Variants in WDR41 observed in about 807,000 individuals in gnomAD.
WDR41 encodes the protein WD repeat-containing protein 41.
Under a neutral mutation model 69.3 loss-of-function variants are expected in WDR41, and 63 were observed. That is an observed-to-expected ratio of 0.91 (90% CI 0.74 to 1.12). The LOEUF is 1.12. Among genes scored for constraint, WDR41 ranks in the 50% most tolerant of loss-of-function variants. The pLI is 0.00. For synonymous variants in WDR41, 185 were observed against 192.1 expected, an observed-to-expected ratio of 0.96 and a Z score of 0.31; for missense variants, 543 against 534.5, an observed-to-expected ratio of 1.02 and a Z score of -0.16.
intron 2 of WDR41, among the ~76,000 whole-genome samples, chr5:77,487,541 A>G (rs1257153204): frequency 6.6e-6 from 1 of 152,246 alleles, no homozygotes; most frequent in African/African-American, 2.4e-5. Flanking sequence ...TTTTCAAGCA[A>G]AAGTTAAGAA....
At chr5:77,570,371 A>G (rs2112272485) in intron 1 of WDR41, among the ~76,000 whole-genome samples, 1 of 151,716 alleles carries the variant, frequency 6.6e-6, no homozygotes. Flanking sequence ...TGACTAAAAC[A>G]TGATTCAATG....
At chr5:77,542,242 G>A (rs1188967046) in intron 1 of WDR41, among the ~76,000 whole-genome samples, 1 of 152,138 alleles carries the variant, frequency 6.6e-6, no homozygotes, top group Non-Finnish European at 1.5e-5. Flanking sequence ...GACACATGGG[G>A]GAGAAGAACA....
At chr5:77,528,930 T>C (rs1356303739) in intron 1 of WDR41, among the ~76,000 whole-genome samples, 2 of 151,662 alleles carry the variant, frequency 1.3e-5, no homozygotes, top group African/African-American at 4.8e-5. Flanking sequence ...TATAGCATTA[T>C]ACTTAATGAA....
chr5:77,449,568 TA>T (rs1217711894), intron 8 of WDR41, among the ~76,000 whole-genome samples, 191 bp downstream of exon 8: 2 of 152,184 alleles, frequency 1.3e-5, no homozygotes, highest in Admixed American at 1.3e-4. Flanking sequence ...TCCTTGTCCC[TA>T]AATCTTAGAC....
chr5:77,549,453 A>G (rs937509501), intron 1 of WDR41, among the ~76,000 whole-genome samples: 218 of 152,290 alleles, frequency 1.4e-3, no homozygotes, highest in African/African-American at 4.9e-3. Context: ...ACATTTCTAT[A>G]CAACAATAGC....
chr5:77,571,672 A>G (rs1172419036), intron 1 of WDR41, among the ~76,000 whole-genome samples: 1 of 152,120 alleles, frequency 6.6e-6, no homozygotes, highest in Admixed American at 6.6e-5. Flanking sequence ...CTGGATTCTT[A>G]GCTCACAGAG....
At chr5:77,540,141 T>G (rs955530316) in intron 1 of WDR41, among the ~76,000 whole-genome samples, 1 of 152,202 alleles carries the variant, frequency 6.6e-6, no homozygotes. Flanking sequence ...TCACTCCTGA[T>G]AGAATTCCCA....
At chr5:77,435,096 A>G (rs1023507860) in intron 12 of WDR41, among the ~76,000 whole-genome samples, 4 of 152,136 alleles carry the variant, frequency 2.6e-5, no homozygotes, top group African/African-American at 7.2e-5. Context: ...CGTAAATGCT[A>G]TCTTTGCCCT....
chr5:77,485,601 T>C (rs1384666683), intron 2 of WDR41, among the ~76,000 whole-genome samples: 5 of 152,220 alleles, frequency 3.3e-5, no homozygotes, highest in African/African-American at 1.2e-4. Context: ...AAATGTGTTA[T>C]GAACTCAGTT....
chr5:77,490,178 G>A (rs1284926026), intron 1 of WDR41, among the ~76,000 whole-genome samples: 1 of 151,994 alleles, frequency 6.6e-6, no homozygotes, highest in Non-Finnish European at 1.5e-5. Context: ...TGGCGAGACT[G>A]GTCTTGAATT....
intron 1 of WDR41, among the ~76,000 whole-genome samples, chr5:77,512,475 A>T (rs1424730753): frequency 6.7e-6 from 1 of 149,922 alleles, no homozygotes; most frequent in Non-Finnish European, 1.5e-5. Context: ...GGCGGGGCCG[A>T]GTAAGGTAGC....
At chr5:77,529,131 TAAAATAC>T (rs1175945380) in intron 1 of WDR41, among the ~76,000 whole-genome samples, 2 of 151,464 alleles carry the variant, frequency 1.3e-5, no homozygotes, top group Non-Finnish European at 3.0e-5. Context: ...GGCATACATA[TAAAATAC>T]AAAATAATCT....
rs1581710395 is a variant in WDR41, at chr5:77,453,866, C to CA, written c.473_474insT (p.Trp158CysfsTer10). 1 of 1,613,990 alleles carries CA rather than the reference C, an allele frequency of 6.2e-7. No individual in the cohort carries two copies. The highest frequency in any genetic ancestry group is 2.2e-5 in the East Asian group (1 of 44,854). On this transcript the variant is annotated frameshift_variant, in exon 6 of 13. Coordinates refer to ENST00000296679, the MANE Select transcript of WDR41 (RefSeq NM_018268.4). LOFTEE classifies it high-confidence loss of function. ...TACACAGGAGATCTAATTTTCGGTTCCACACACACAGGTCATTCCCACCAG... is the reference window on the plus strand; with the variant it reads ...TACACAGGAGATCTAATTTTCGGTTCACACACACACAGGTCATTCCCACCAG...
chr5:77,594,571 A>G (rs868704402), intron 1 of WDR41, among the ~76,000 whole-genome samples: 37 of 152,194 alleles, frequency 2.4e-4, no homozygotes, highest in African/African-American at 8.0e-4. Context: ...ATGCTTGGGC[A>G]GCAAAATACT....
intron 1 of WDR41, among the ~76,000 whole-genome samples, chr5:77,515,843 A>T (rs971638283): frequency 1.2e-4 from 19 of 152,204 alleles, no homozygotes; most frequent in African/African-American, 4.6e-4. Context: ...GAGTAAATAA[A>T]TAACCCTCAT....
intron 4 of WDR41, among the ~76,000 whole-genome samples, chr5:77,460,856 T>C (rs1800022021): frequency 2.0e-5 from 3 of 152,276 alleles, no homozygotes; most frequent in Middle Eastern, 3.4e-3. Context: ...TTTTGGAGCA[T>C]TTCAGATTTT....
At position 77,436,386 on chromosome 5, in the gene WDR41, TA is replaced by T. The variant is rs748110033; in HGVS notation, c.1101del (p.Phe367LeufsTer35). ...CTGACTCTTCCAAATCCCCACATGT[TA>T]AAAAAACCTAGAAAAAGAATCATTT... ...LAAEPVPTGFFNMWGFGRVSK... is the reference protein window; with the variant it reads ...LAAEPVPTGFXNMWGFGRVSK... On this transcript the variant is annotated frameshift_variant, in exon 12 of 13. Coordinates refer to ENST00000296679, the MANE Select transcript of WDR41 (RefSeq NM_018268.4). LOFTEE classifies it high-confidence loss of function. 6.2e-7 allele frequency: 1 copy of T among 1,613,380 alleles called. No homozygotes were observed. Among genetic ancestry groups the T allele is most frequent in the African/African-American group, 1.3e-5 (1 of 74,858 alleles).
At chr5:77,474,603 T>C (rs973195001) in intron 2 of WDR41, among the ~76,000 whole-genome samples, 1 of 152,206 alleles carries the variant, frequency 6.6e-6, no homozygotes, top group Non-Finnish European at 1.5e-5. Flanking sequence ...TAATTAGATC[T>C]ACTTCAACAA....
chr5:77,585,589 A>G (rs556656473), intron 1 of WDR41, among the ~76,000 whole-genome samples: 56 of 152,248 alleles, frequency 3.7e-4, no homozygotes, highest in Non-Finnish European at 6.8e-4. Flanking sequence ...CCCATCAATC[A>G]ATGAATGGAT....
Sources: gnomAD v4.1 joint callset for allele counts (sites outside exome capture counted in the v4.1 genomes callset) on GRCh38, gnomAD v4.1.1 for gene constraint, MANE v1.5 for transcripts, NCBI Gene and HGNC (gene_info 2026-07-23, HGNC 2026-07-21) for gene names.